Variants in STK25 observed in about 807,000 individuals in gnomAD.
The protein encoded by STK25 is serine/threonine kinase 25.
STK25 carries 29 observed loss-of-function variants against 53.8 expected under a neutral mutation model. The observed-to-expected ratio is 0.54, with a 90% confidence interval of 0.40 to 0.74. The LOEUF (loss-of-function observed/expected upper bound fraction) is 0.74, where lower values mean the gene tolerates loss of function less well. Ranked by LOEUF, STK25 falls within the 30% of genes least tolerant of loss-of-function variation. The pLI is 0.00. For synonymous variants in STK25, 247 were observed against 238.3 expected (o/e 1.04, Z -0.33); for missense variants, 420 against 568.0 (o/e 0.74, Z 2.65).
At position 241,493,581 on chromosome 2, in the gene STK25, A is replaced by G; in HGVS notation, c.*2081T>C. Reference sequence around the variant, plus strand: ...TGAGCAATGCTTCCAGCATTTCCAAAAAACAGCAATGCTTTGTTTTTTTTT... The same window carrying G: ...TGAGCAATGCTTCCAGCATTTCCAAGAAACAGCAATGCTTTGTTTTTTTTT... On this transcript the variant is annotated 3_prime_UTR_variant, in exon 12 of 12. Coordinates refer to ENST00000316586, the MANE Select transcript of STK25 (RefSeq NM_001271977.2). The G allele has an allele frequency of 1.3e-6, 1 of 749,206 alleles. No individual in the cohort carries two copies. Among genetic ancestry groups the G allele is most frequent in the Admixed American group, 2.7e-5 (1 of 36,530 alleles). 46.4% of individuals were successfully genotyped at this position (749,206 alleles called of 1,614,324 possible).
Position 241,507,726 on chromosome 2 carries a change from G to A in STK25, c.30+280C>T, listed in dbSNP as rs552219595. Among the ~76,000 whole-genome samples, 3 of 152,342 alleles carry A rather than the reference G, an allele frequency of 2.0e-5. No homozygotes were observed. In the South Asian group the frequency reaches 6.2e-4, roughly 32 times the overall value. ...GGCAGCGCCCCGTCCCTGCGCCGGT[G>A]TCTCTTCACGCACCTCCACCGCCCT... On this transcript the variant is annotated intron_variant, in intron 2 of 11. Transcript: ENST00000316586.
rs200431947 is a variant in STK25 at position 241,498,767 on chromosome 2, C to T, written c.789G>A (p.Glu263=). The T allele has an allele frequency of 1.9e-6, 3 of 1,614,086 alleles. No homozygotes were observed. The highest frequency in any genetic ancestry group is 4.5e-5 in the East Asian group (2 of 44,880). The change falls in exon 8 of 12, where the codon GAG becomes GAA. Residue 263 remains glutamate (E), a synonymous_variant. Coordinates refer to ENST00000316586, the MANE Select transcript of STK25 (RefSeq NM_001271977.2). ...KDPRFRPTAK[E]LLKHKFITRY... Reference sequence around the variant, plus strand: ...GTGTGATGAACTTGTGCTTCAGGAGCTCCTTGGCCGTGGGCCGCTGCAGGG... The same window carrying T: ...GTGTGATGAACTTGTGCTTCAGGAGTTCCTTGGCCGTGGGCCGCTGCAGGG...
rs1283950323 is a variant in STK25 at position 241,508,027 on chromosome 2, G to C, written c.9C>G (p.His3Gln). Residue 3 changes from histidine (H) to glutamine (Q), a missense_variant, in exon 2 of 12, where the codon CAC becomes CAG. His to Gln is a conservative substitution (Grantham distance 24, BLOSUM62 0). Transcript: ENST00000316586. Reference sequence around the variant, plus strand: ...TCACCTGGTTGGCAAATCCCCGGAGGTGAGCCATGGCCGCGCCGCCTCAGA... The same window carrying C: ...TCACCTGGTTGGCAAATCCCCGGAGCTGAGCCATGGCCGCGCCGCCTCAGA... MA[H>Q]LRGFANQHSR... 1.2e-5 allele frequency: 19 copies of C among 1,605,328 alleles called. No homozygotes were observed. The highest frequency in any genetic ancestry group is 1.6e-5 in the Non-Finnish European group (19 of 1,176,994).
chr2:241,509,491 A>G (rs970210582), upstream of STK25: 43 of 152,360 alleles, frequency 2.8e-4, no homozygotes, highest in African/African-American at 9.4e-4. Context: ...CCTCCTGCAT[A>G]CTGTGTCCAC....
rs371515504 is a variant in STK25, at chr2:241,500,161, C to T, written c.427+12G>A. On this transcript the variant is annotated intron_variant, in intron 5 of 11. Transcript: ENST00000316586. ...AGGACGTTACAAGAGCCACATCCAC[C>T]CCCAGCAGGACCTTTGATGTCTCGG... 2.0e-5 allele frequency: 33 copies of T among 1,610,708 alleles called. No individual in the cohort carries two copies. The highest frequency in any genetic ancestry group is 6.7e-5 in the Admixed American group (4 of 59,988).
Position 241,497,502 on chromosome 2 carries a change from G to A in STK25, c.1104+114C>T, listed in dbSNP as rs2065243839. On this transcript the variant is annotated intron_variant, in intron 10 of 11. Coordinates refer to ENST00000316586, the MANE Select transcript of STK25 (RefSeq NM_001271977.2). ...AAACCCAGCCCACAATCAGCTGCAG[G>A]AAAGCTAGAAGCTGAAACCACCCCA... 7.5e-6 allele frequency: 8 copies of A among 1,071,568 alleles called. No homozygotes were observed. In the Admixed American group the frequency reaches 9.6e-5, roughly 13 times the overall value. 66.4% of individuals were successfully genotyped at this position (1,071,568 alleles called of 1,614,324 possible).
rs781503135 is a variant in STK25 at position 241,500,196 on chromosome 2, C to T, written c.404G>A (p.Arg135His). 6.2e-6 allele frequency: 10 copies of T among 1,613,278 alleles called. No homozygotes were observed. The Middle Eastern group carries it at 8.2e-4, about 133-fold the overall frequency. Residue 135 changes from arginine (R) to histidine (H), a missense_variant, in exon 5 of 12, where the codon CGC becomes CAC. Coordinates refer to ENST00000316586, the MANE Select transcript of STK25 (RefSeq NM_001271977.2). ...LKGLDYLHSE[R>H]KIHRDIKAAN... The stretch of plus-strand genomic sequence containing the variant: ...ACCTTTGATGTCTCGGTGGATCTTG[C>T]GTTCGGAGTGCAGATAATCCAGGCC...
At position 241,495,352 on chromosome 2, in the gene STK25, T is replaced by C; in HGVS notation, c.*310A>G. On this transcript the variant is annotated 3_prime_UTR_variant, in exon 12 of 12. Coordinates refer to ENST00000316586, the MANE Select transcript of STK25 (RefSeq NM_001271977.2). Reference sequence around the variant, plus strand: ...CTGAGCGGCCATAGGGCTGCATGAGTCTGCAGAAGACCCAGGCGTAGCTCA... The same window carrying C: ...CTGAGCGGCCATAGGGCTGCATGAGCCTGCAGAAGACCCAGGCGTAGCTCA... The C allele has an allele frequency of 2.6e-6, 1 of 378,470 alleles. No homozygotes were observed. The allele number at this position is 378,470 out of a possible 1,614,324, so 23.4% of individuals were successfully genotyped here. A position where few individuals can be genotyped will look rare whatever the true frequency, so the allele number is the denominator to read the frequency against.
chr2:241,498,946 C>T (rs1300310340), intron 7 of STK25, 43 bp downstream of exon 7: 1 of 1,612,528 alleles, frequency 6.2e-7, no homozygotes, highest in African/African-American at 1.3e-5. Context: ...CGCCCTCCCT[C>T]CACGTCCTGT....
chr2:241,493,262 C>T lies in STK25; in HGVS notation c.*2400G>A. ...GGCATTCCCTGTGGCAACCCAGCCC[C>T]TGGAACCCGTGTCCCTATGCTGTCT... is the stretch of plus-strand genomic sequence containing the variant. On this transcript the variant is annotated 3_prime_UTR_variant, in exon 12 of 12. Transcript: ENST00000316586. The T allele has an allele frequency of 6.2e-7, 1 of 1,608,674 alleles. No homozygotes were observed. Among genetic ancestry groups the T allele is most frequent in the Non-Finnish European group, 8.5e-7 (1 of 1,176,460 alleles).
rs191116218 is a variant in STK25, at chr2:241,507,039, C to T, written c.30+967G>A. On this transcript the variant is annotated intron_variant, in intron 2 of 11. Transcript: ENST00000316586. ...TTCCTGCCCCTACGCGAACAGACGCCCTTCCTGTTCCACTGCAGGCCCAAC... is the reference window on the plus strand; with the variant it reads ...TTCCTGCCCCTACGCGAACAGACGCTCTTCCTGTTCCACTGCAGGCCCAAC... Among the ~76,000 whole-genome samples the T allele has an allele frequency of 2.8e-3, 425 of 152,252 alleles. 2 individuals are homozygous for T. Among genetic ancestry groups the T allele is most frequent in the Middle Eastern group, 0.01 (3 of 294 alleles).
In STK25 at chr2:241,498,274, G is replaced by C; in HGVS notation, c.993C>G (p.Ser331Arg). ...GCAGGGCCGTCCCCTTGTGAAGCTT[G>C]CTGTGTGGACTCGGCCGGATGGTAG... Reference protein sequence around the residue: ...FPPTIRPSPHSKLHKGTALHS... With the variant: ...FPPTIRPSPHRKLHKGTALHS... Residue 331 changes from serine to arginine, a missense_variant, in exon 9 of 12, where the codon AGC becomes AGG. Physicochemically the swap from Ser to Arg is moderately radical, Grantham distance 110. Transcript: ENST00000316586. 1 of 1,612,098 alleles carries C rather than the reference G, an allele frequency of 6.2e-7. No homozygotes were observed. Among genetic ancestry groups the C allele is most frequent in the Non-Finnish European group, 8.5e-7 (1 of 1,178,498 alleles).
Position 241,493,427 on chromosome 2 carries a change from C to T in STK25, c.*2235G>A. 2.5e-6 allele frequency: 4 copies of T among 1,613,840 alleles called. No homozygotes were observed. The highest frequency in any genetic ancestry group is 2.5e-6 in the Non-Finnish European group (3 of 1,180,004). On this transcript the variant is annotated 3_prime_UTR_variant, in exon 12 of 12. Coordinates refer to ENST00000316586, the MANE Select transcript of STK25 (RefSeq NM_001271977.2). ...ACGTCTACTTCTTCCGGGCTGAGAG[C>T]AAGTACACATTTGAAAGGTAATTTT... is the stretch of plus-strand genomic sequence containing the variant.
At chr2:241,506,756 A>G (rs1376903629) in intron 2 of STK25, among the ~76,000 whole-genome samples, 1 of 152,244 alleles carries the variant, frequency 6.6e-6, no homozygotes. Flanking sequence ...AACAAAAGCG[A>G]AACTCCGTCT....
chr2:241,509,103 T>C (rs4675939), upstream of STK25: 49,068 of 152,322 alleles, frequency 0.32, 9,595 homozygotes, highest in African/African-American at 0.51. Context: ...CCCCTGTTCG[T>C]ACTGAGACCC....
rs764720349 is a variant in STK25 at position 241,496,526 on chromosome 2, C to T, written c.1113G>A (p.Glu371=). 1.9e-6 allele frequency: 3 copies of T among 1,613,450 alleles called. No homozygotes were observed. Among genetic ancestry groups the T allele is most frequent in the Non-Finnish European group, 2.5e-6 (3 of 1,179,796 alleles). ...CGCTCCCGCCGCTCTGCTTGTGCTT[C>T]TCTTTGAGCTGTGAAAAGACCACCA... ...LVRPVFGELK[E]KHKQSGGSVG... is the part of the protein sequence containing the mutation. Residue 371 remains glutamate (E), a synonymous_variant, in exon 11 of 12, where the codon GAG becomes GAA. Coordinates refer to ENST00000316586, the MANE Select transcript of STK25 (RefSeq NM_001271977.2). The surrounding 1 kb of genome is among the most constrained non-coding windows in gnomAD (Gnocchi z 5.8).
At position 241,493,359 on chromosome 2, in the gene STK25, G is replaced by A. The variant is rs1574925058; in HGVS notation, c.*2303C>T. The A allele has an allele frequency of 1.2e-6, 2 of 1,613,984 alleles. No individual in the cohort carries two copies. Among genetic ancestry groups the A allele is most frequent in the Middle Eastern group, 1.7e-4 (1 of 6,060 alleles). On this transcript the variant is annotated 3_prime_UTR_variant, in exon 12 of 12. Transcript: ENST00000316586. ...CGTGAGCATCCCCAGGGAGGCCGAT[G>A]GCATACACAAAGACTATGTTTTCAA...
In STK25 at chr2:241,496,640, C is replaced by G; in HGVS notation, c.1105-106G>C. 1.5e-6 allele frequency: 2 copies of G among 1,304,478 alleles called. No homozygotes were observed. The highest frequency in any genetic ancestry group is 2.5e-5 in the East Asian group (1 of 39,958). The allele number at this position is 1,304,478 out of a possible 1,614,324, so 80.8% of individuals were successfully genotyped here. A position where few individuals can be genotyped will look rare whatever the true frequency, so the allele number is the denominator to read the frequency against. The stretch of plus-strand genomic sequence containing the variant: ...TGCCGGAGGCCTTCAGGGCTCTCGC[C>G]TAGGAGCCACACCCGGGAGCCCTTC... On this transcript the variant is annotated intron_variant, in intron 10 of 11. Transcript: ENST00000316586. This position sits in a 1 kb window ranked among gnomAD's most constrained non-coding sequence, Gnocchi z 5.8.
intron 2 of STK25, among the ~76,000 whole-genome samples, chr2:241,503,149 T>C (rs1396715198): frequency 1.3e-5 from 2 of 152,100 alleles, no homozygotes; most frequent in Admixed American, 6.6e-5. Context: ...CTGCAACCTC[T>C]GCCTCCTGGG....
Sources: allele counts gnomAD v4.1 joint callset (sites outside exome capture counted in the v4.1 genomes callset), GRCh38; gene constraint gnomAD v4.1.1; non-coding constraint Gnocchi (gnomAD v3.1); transcripts MANE v1.5; gene names NCBI Gene and HGNC (gene_info 2026-07-23, HGNC 2026-07-21).